Variants in LHFPL3 observed in about 807,000 individuals in gnomAD.
LHFPL3 encodes the protein LHFPL tetraspan subfamily member 3 protein.
LHFPL3 carries 5 observed loss-of-function variants against 19.3 expected under a neutral mutation model. The observed-to-expected ratio is 0.26, with a 90% CI of 0.14 to 0.54. The LOEUF (loss-of-function observed/expected upper bound fraction) is 0.54, where lower values mean the gene tolerates loss of function less well. LHFPL3 is among the 20% of genes least tolerant of loss of function. The probability of loss-of-function intolerance (pLI) is 0.94; values close to 1 mark genes in which losing one functional copy is unlikely to be tolerated. For missense variants in LHFPL3, 249 were observed against 307.4 expected (o/e 0.81, Z 1.42); for synonymous variants, 133 against 126.2 (o/e 1.05, Z -0.36).
chr7:104,811,884 T>C (rs1279780934), intron 2 of LHFPL3, among the ~76,000 whole-genome samples: 1 of 152,224 alleles, frequency 6.6e-6, no homozygotes, highest in African/African-American at 2.4e-5. Flanking sequence ...TTTTAAAGAA[T>C]GCACACAACA....
intron 1 of LHFPL3, among the ~76,000 whole-genome samples, chr7:104,444,517 G>A (rs1792290092): frequency 6.6e-6 from 1 of 152,126 alleles, no homozygotes; most frequent in East Asian, 1.9e-4. Flanking sequence ...CATCTCTATT[G>A]TGTTGTTACA....
intron 1 of LHFPL3, among the ~76,000 whole-genome samples, chr7:104,596,697 AG>A (rs1322477991): frequency 3.3e-5 from 5 of 152,258 alleles, no homozygotes; most frequent in Non-Finnish European, 7.3e-5. Context: ...CTACTGGCAT[AG>A]GGTGGAGGCT....
chr7:104,430,756 C>T (rs1410712144), intron 1 of LHFPL3, among the ~76,000 whole-genome samples: 2 of 151,882 alleles, frequency 1.3e-5, no homozygotes, highest in Non-Finnish European at 2.9e-5. Context: ...GCATGAGCCA[C>T]TGCGCCCGGC....
At chr7:104,897,011 G>A (rs900781770) in intron 2 of LHFPL3, among the ~76,000 whole-genome samples, 2 of 151,876 alleles carry the variant, frequency 1.3e-5, no homozygotes, top group African/African-American at 2.4e-5. Context: ...AGTTGAACAC[G>A]GGAGGCAGAG....
At chr7:104,820,016 T>A (rs1025538851) in intron 2 of LHFPL3, among the ~76,000 whole-genome samples, 2 of 152,240 alleles carry the variant, frequency 1.3e-5, no homozygotes, top group Non-Finnish European at 2.9e-5. Flanking sequence ...TATTTCCTTG[T>A]GTGTTTCACA....
intron 2 of LHFPL3, among the ~76,000 whole-genome samples, chr7:104,743,824 T>C (rs1224382535): frequency 1.3e-5 from 2 of 152,140 alleles, no homozygotes; most frequent in Non-Finnish European, 2.9e-5. Flanking sequence ...CACAGTATCA[T>C]GTAATCAATT....
intron 1 of LHFPL3, among the ~76,000 whole-genome samples, chr7:104,457,449 C>T (rs1230653304): frequency 6.6e-6 from 1 of 152,130 alleles, no homozygotes; most frequent in Non-Finnish European, 1.5e-5. Flanking sequence ...ATGAACTCAT[C>T]ATTTTTATGG....
rs1790735746 is a variant in LHFPL3 at position 104,592,030 on chromosome 7, A to T, written c.446-144645A>T. Among the ~76,000 whole-genome samples, 3 of 152,000 alleles carry T rather than the reference A, an allele frequency of 2.0e-5. No homozygotes were observed. The South Asian group carries it at 6.2e-4, about 32-fold the overall frequency. On this transcript the variant is annotated intron_variant, in intron 1 of 2. Coordinates refer to ENST00000424859, the MANE Select transcript of LHFPL3 (RefSeq NM_199000.3). ...TAGCCATTCGTCTAATCTTTTTTCAACGTTTTTAGCTTCTTTGCGATGGGT... is the reference window on the plus strand; with the variant it reads ...TAGCCATTCGTCTAATCTTTTTTCATCGTTTTTAGCTTCTTTGCGATGGGT...
chr7:104,396,908 T>G (rs1791200947), intron 1 of LHFPL3, among the ~76,000 whole-genome samples: 1 of 152,038 alleles, frequency 6.6e-6, no homozygotes, highest in African/African-American at 2.4e-5. Flanking sequence ...AGGCTGAGGT[T>G]GCAGTGAGCC....
chr7:104,742,884 C>T (rs951813037), intron 2 of LHFPL3, among the ~76,000 whole-genome samples: 10 of 151,630 alleles, frequency 6.6e-5, no homozygotes, highest in African/African-American at 2.2e-4. Context: ...GATGGGAGGC[C>T]GAGTCAGGAT....
At chr7:104,691,617 G>A (rs562308491) in intron 1 of LHFPL3, among the ~76,000 whole-genome samples, 7 of 152,390 alleles carry the variant, frequency 4.6e-5, no homozygotes, top group Middle Eastern at 3.4e-3. Context: ...GTAGCCAGTG[G>A]TTTGTCTGGA....
intron 1 of LHFPL3, among the ~76,000 whole-genome samples, chr7:104,729,845 A>G (rs768395207): frequency 5.3e-5 from 8 of 152,156 alleles, no homozygotes; most frequent in Admixed American, 2.0e-4. Flanking sequence ...TGCTGCACCC[A>G]TTAACTAGTC....
intron 2 of LHFPL3, chr7:104,894,491 C>G (rs1239044627): frequency 6.6e-6 from 1 of 152,126 alleles, no homozygotes; most frequent in Non-Finnish European, 1.5e-5. Context: ...AGACAGTCTC[C>G]CAGGGTTCAG....
intron 1 of LHFPL3, among the ~76,000 whole-genome samples, chr7:104,487,849 T>C (rs1793267658): frequency 6.6e-6 from 1 of 152,240 alleles, no homozygotes; most frequent in South Asian, 2.1e-4. Context: ...AATATTTTTC[T>C]AGACAAATTG....
At chr7:104,622,143 C>G (rs1791457111) in intron 1 of LHFPL3, among the ~76,000 whole-genome samples, 1 of 152,160 alleles carries the variant, frequency 6.6e-6, no homozygotes, top group African/African-American at 2.4e-5. Flanking sequence ...TCTTTGTCAC[C>G]CAGGCTGGAG....
At chr7:104,521,483 G>A (rs1384301393) in intron 1 of LHFPL3, among the ~76,000 whole-genome samples, 2 of 152,044 alleles carry the variant, frequency 1.3e-5, no homozygotes, top group East Asian at 1.9e-4. Flanking sequence ...CATGGGCAAG[G>A]ACTTCATGTC....
At chr7:104,687,582 A>G (rs1695119265) in intron 1 of LHFPL3, among the ~76,000 whole-genome samples, 2 of 152,226 alleles carry the variant, frequency 1.3e-5, no homozygotes, top group South Asian at 4.1e-4. Flanking sequence ...TTAGCATAGA[A>G]AAGACACGTC....
At chr7:104,430,862 A>G (rs757210181) in intron 1 of LHFPL3, among the ~76,000 whole-genome samples, 1 of 151,930 alleles carries the variant, frequency 6.6e-6, no homozygotes, top group Non-Finnish European at 1.5e-5. Flanking sequence ...GCAGGTGCAT[A>G]ATGTGTGTGT....
intron 2 of LHFPL3, among the ~76,000 whole-genome samples, chr7:104,827,281 G>A (rs890113513): frequency 1.3e-5 from 2 of 151,954 alleles, no homozygotes; most frequent in African/African-American, 4.8e-5. Context: ...AATAAACCCT[G>A]GTCTTGCAAA....
Sources: gnomAD v4.1 joint callset for allele counts (sites outside exome capture counted in the v4.1 genomes callset) on GRCh38, gnomAD v4.1.1 for gene constraint, MANE v1.5 for transcripts, NCBI Gene and HGNC (gene_info 2026-07-23, HGNC 2026-07-21) for gene names.